CSMD1: variants seen among roughly 807,000 people sequenced by gnomAD.
The protein encoded by CSMD1 is CUB and Sushi multiple domains 1, also known as CUB and sushi domain-containing protein 1.
A neutral mutation model predicts 417.5 loss-of-function variants in CSMD1; 213 were observed. That is an observed-to-expected ratio of 0.51 (90% CI 0.46 to 0.57). The LOEUF (loss-of-function observed/expected upper bound fraction) is 0.57, where lower values mean the gene tolerates loss of function less well. Among genes scored for constraint, CSMD1 ranks in the 20% least tolerant of loss-of-function variants. The probability of loss-of-function intolerance (pLI) is 0.00; values close to 1 mark genes in which losing one functional copy is unlikely to be tolerated. For missense variants in CSMD1, 6,923 were observed against 4,529.7 expected (o/e 1.53, Z -15.17); for synonymous variants, 2,862 against 1,736.8 (o/e 1.65, Z -16.11).
At chr8:4,844,829 C>T (rs571373127) in intron 1 of CSMD1, among the ~76,000 whole-genome samples, 3 of 152,074 alleles carry the variant, frequency 2.0e-5, no homozygotes, top group Non-Finnish European at 2.9e-5. Context: ...TCCAAACCAG[C>T]CTTAAAAATT....
At chr8:4,856,801 C>A (rs1801827924) in intron 1 of CSMD1, among the ~76,000 whole-genome samples, 1 of 150,578 alleles carries the variant, frequency 6.6e-6, no homozygotes. Context: ...ACTTAGACTC[C>A]CACACATTAA....
intron 3 of CSMD1, among the ~76,000 whole-genome samples, chr8:4,076,662 T>G (rs921014738): frequency 2.6e-5 from 4 of 152,236 alleles, no homozygotes; most frequent in Admixed American, 6.5e-5. Context: ...CAAGGCCTTA[T>G]GCATCGTGCT....
intron 1 of CSMD1, among the ~76,000 whole-genome samples, chr8:4,755,016 T>G (rs897629244): frequency 2.6e-5 from 4 of 152,174 alleles, no homozygotes. Flanking sequence ...CATGTGCCTG[T>G]GATCCCAGCT....
chr8:4,486,430 A>T (rs1801421954), intron 2 of CSMD1, among the ~76,000 whole-genome samples: 1 of 151,084 alleles, frequency 6.6e-6, no homozygotes, highest in South Asian at 2.1e-4. Context: ...TTTAATTATA[A>T]TATAGTTGTG....
intron 10 of CSMD1, among the ~76,000 whole-genome samples, chr8:3,554,003 T>C (rs73176990): frequency 6.6e-6 from 1 of 152,110 alleles, no homozygotes; most frequent in Admixed American, 6.5e-5. Context: ...TCTCTAGGAC[T>C]GATTTTATTT....
chr8:4,127,475 AAAAAG>A lies in CSMD1; in HGVS notation c.416-95381_416-95377del, dbSNP rs1328038170. ...AATGAAAAAAAAAAAAAAAAAAAAAAAAAAGAAAATCATAAAAACTAACTTCAACT... is the reference window on the plus strand; with the variant it reads ...AATGAAAAAAAAAAAAAAAAAAAAAAAAAATCATAAAAACTAACTTCAACT... On this transcript the variant is annotated intron_variant, in intron 3 of 69. Coordinates refer to ENST00000635120, the MANE Select transcript of CSMD1 (RefSeq NM_033225.6). 5.8e-3 allele frequency among the ~76,000 whole-genome samples: 657 copies of A among 113,664 alleles called. 5 individuals are homozygous for A. The highest frequency in any genetic ancestry group is 0.015 in the South Asian group (51 of 3,472). The allele number at this position is 113,664 out of a possible 152,430, so 74.6% of individuals were successfully genotyped here. A position where few individuals can be genotyped will look rare whatever the true frequency, so the allele number is the denominator to read the frequency against.
At chr8:4,069,347 G>A (rs1008211552) in intron 3 of CSMD1, among the ~76,000 whole-genome samples, 1 of 152,170 alleles carries the variant, frequency 6.6e-6, no homozygotes, top group African/African-American at 2.4e-5. Context: ...CTTATCTACA[G>A]GTAGTTGAAC....
intron 3 of CSMD1, among the ~76,000 whole-genome samples, chr8:4,200,078 T>A (rs890570385): frequency 1.3e-5 from 2 of 152,178 alleles, no homozygotes; most frequent in African/African-American, 4.8e-5. Context: ...ATCATCCTCT[T>A]TATATTTTTA....
chr8:3,985,217 G>C (rs766556159), intron 5 of CSMD1, among the ~76,000 whole-genome samples: 1 of 152,148 alleles, frequency 6.6e-6, no homozygotes, highest in Non-Finnish European at 1.5e-5. Context: ...TATCTGAGAA[G>C]CATTGACGGG....
At chr8:3,162,073 G>A (rs1331799579) in intron 38 of CSMD1, 86 bp downstream of exon 38, 2 of 818,776 alleles carry the variant, frequency 2.4e-6, no homozygotes, top group Non-Finnish European at 4.1e-6. Flanking sequence ...GGAAAACATG[G>A]GTACAAAGTG....
At chr8:4,117,969 T>C (rs1372028143) in intron 3 of CSMD1, among the ~76,000 whole-genome samples, 1 of 143,032 alleles carries the variant, frequency 7.0e-6, no homozygotes, top group Non-Finnish European at 1.5e-5. Context: ...AAAAAAGCAG[T>C]GTACAAAGGA....
chr8:4,761,962 T>TCTATCTAC (rs539209473), intron 1 of CSMD1, among the ~76,000 whole-genome samples: 84 of 150,140 alleles, frequency 5.6e-4, no homozygotes, highest in African/African-American at 2.0e-3. Flanking sequence ...TATCTATCTA[T>TCTATCTAC]CTAGATTCCC....
chr8:3,785,033 T>G (rs113001600), intron 5 of CSMD1, among the ~76,000 whole-genome samples: 1 of 152,282 alleles, frequency 6.6e-6, no homozygotes, highest in Non-Finnish European at 1.5e-5. Context: ...AGGGAGGGAA[T>G]AGAGATAGAA....
At chr8:4,312,365 T>A (rs1443854073) in intron 3 of CSMD1, among the ~76,000 whole-genome samples, 1 of 131,342 alleles carries the variant, frequency 7.6e-6, no homozygotes, top group Non-Finnish European at 1.5e-5. Flanking sequence ...CTAATTACTT[T>A]TAATGGAACA....
rs376046639 is a variant in CSMD1, at chr8:3,130,445, C to T, written c.6242-11858G>A. ...CTGCTCTACTCTTCCCTCGCTTCCCCCAACCCCCATCCACATACAATTCAT... is the reference window on the plus strand; with the variant it reads ...CTGCTCTACTCTTCCCTCGCTTCCCTCAACCCCCATCCACATACAATTCAT... On this transcript the variant is annotated intron_variant, in intron 41 of 69. Coordinates refer to ENST00000635120, the MANE Select transcript of CSMD1 (RefSeq NM_033225.6). Among the ~76,000 whole-genome samples, 44 of 152,268 alleles carry T rather than the reference C, an allele frequency of 2.9e-4. 1 individual carries two copies. The East Asian group carries it at 4.3e-3, about 15-fold the overall frequency.
At chr8:4,994,111 G>C (rs1319136942) in intron 1 of CSMD1, among the ~76,000 whole-genome samples, 5 of 152,168 alleles carry the variant, frequency 3.3e-5, no homozygotes, top group African/African-American at 4.8e-5. Context: ...CCCAAGAGAG[G>C]GGGAAGGAAT....
At chr8:4,731,333 T>A (rs927656789) in intron 1 of CSMD1, among the ~76,000 whole-genome samples, 1 of 152,126 alleles carries the variant, frequency 6.6e-6, no homozygotes, top group African/African-American at 2.4e-5. Flanking sequence ...TCCCACCTCA[T>A]AAGCTTACCG....
chr8:3,610,504 G>C (rs1330346919), intron 8 of CSMD1, among the ~76,000 whole-genome samples: 2 of 66,536 alleles, frequency 3.0e-5, no homozygotes, highest in Admixed American at 1.3e-4. Flanking sequence ...ACAAGTAACA[G>C]ATTGTCTCTA....
intron 3 of CSMD1, among the ~76,000 whole-genome samples, chr8:4,249,189 A>G (rs886229430): frequency 1.3e-5 from 2 of 152,194 alleles, no homozygotes; most frequent in Non-Finnish European, 2.9e-5. Flanking sequence ...TTGAAGCTTG[A>G]TAGTGTCACC....
Sources: gnomAD v4.1 joint callset for allele counts (sites outside exome capture counted in the v4.1 genomes callset) on GRCh38, gnomAD v4.1.1 for gene constraint, MANE v1.5 for transcripts, NCBI Gene and HGNC (gene_info 2026-07-23, HGNC 2026-07-21) for gene names.